DIAPH1: variants seen among roughly 807,000 people sequenced by gnomAD.
DIAPH1 encodes the protein protein diaphanous homolog 1.
In DIAPH1, 46 loss-of-function variants were observed where a neutral mutation model predicts 140.7. The observed-to-expected ratio is 0.33, with a 90% CI of 0.26 to 0.42. The LOEUF (loss-of-function observed/expected upper bound fraction) is 0.42. Among genes scored for constraint, DIAPH1 ranks in the 10% least tolerant of loss-of-function variants. The pLI, the probability that DIAPH1 is intolerant of heterozygous loss-of-function variation, is 1.00. For missense variants in DIAPH1, 1,310 were observed against 1,558.7 expected, an observed-to-expected ratio of 0.84 and a Z score of 2.69; for synonymous variants, 565 against 551.6, an observed-to-expected ratio of 1.02 and a Z score of -0.34.
chr5:141,538,421 C>A (rs965038795), intron 18 of DIAPH1, among the ~76,000 whole-genome samples: 3 of 149,380 alleles, frequency 2.0e-5, no homozygotes, highest in Admixed American at 2.0e-4. Flanking sequence ...GGCACAATCT[C>A]GGCTCACTGC....
At position 141,529,595 on chromosome 5, in the gene DIAPH1, C is replaced by T. The variant is rs2154595019; in HGVS notation, c.2676+8G>A. ...AGCCTGCTCCAGCAGAACCACCTTACTCCTTACCTGGATCATAGACTCAGT... is the reference window on the plus strand; with the variant it reads ...AGCCTGCTCCAGCAGAACCACCTTATTCCTTACCTGGATCATAGACTCAGT... On this transcript the variant is annotated splice_region_variant and intron_variant, in intron 20 of 27. Coordinates refer to ENST00000389054, the MANE Select transcript of DIAPH1 (RefSeq NM_005219.5). 3 of 1,611,636 alleles carry T rather than the reference C, an allele frequency of 1.9e-6. No homozygotes were observed. The highest frequency in any genetic ancestry group is 2.5e-6 in the Non-Finnish European group (3 of 1,177,626).
Position 141,574,097 on chromosome 5 carries a change from CA to C in DIAPH1, c.1752del (p.Ala585ProfsTer183). The C allele has an allele frequency of 1.2e-6, 2 of 1,613,422 alleles. No individual in the cohort carries two copies. The highest frequency in any genetic ancestry group is 1.7e-6 in the Non-Finnish European group (2 of 1,179,790). On this transcript the variant is annotated frameshift_variant, in exon 16 of 28. Coordinates refer to ENST00000389054, the MANE Select transcript of DIAPH1 (RefSeq NM_005219.5). LOFTEE classifies it high-confidence loss of function. Reference protein sequence around the residue: ...PSVPSRAPVPPAPPLPGDSGT... With the variant: ...PSVPSRAPVPXAPPLPGDSGT... ...CCAGAGTCACCAGGTAAAGGAGGGG[CA>C]GGGGGAACAGGAGCACGACTAGGAA...
chr5:141,573,825 G>A lies in DIAPH1; in HGVS notation c.2025C>T (p.Ile675=), dbSNP rs557522528. 1.2e-5 allele frequency: 18 copies of A among 1,490,798 alleles called. No individual in the cohort carries two copies. The South Asian group carries it at 1.8e-4, about 15-fold the overall frequency. The allele number at this position is 1,490,798 out of a possible 1,614,324, so 92.3% of individuals were successfully genotyped here. The change falls in exon 16 of 28, where the codon ATC becomes ATT. Residue 675 remains isoleucine, a synonymous_variant. Coordinates refer to ENST00000389054, the MANE Select transcript of DIAPH1 (RefSeq NM_005219.5). ...SPSSLPGGTA[I]PPPPPLPGSA... ...TCCCAGGCAAAGGAGGAGGTGGGGG[G>A]ATGGCAGTACCTCCAGGCAAAGAAG...
intron 1 of DIAPH1, among the ~76,000 whole-genome samples, chr5:141,593,356 T>C (rs2099898783): frequency 6.6e-6 from 1 of 152,122 alleles, no homozygotes; most frequent in Admixed American, 6.5e-5. Context: ...GGAGGGTCTC[T>C]GGATTGGAGG....
chr5:141,544,017 A>G (rs1238072429), intron 18 of DIAPH1, among the ~76,000 whole-genome samples: 3 of 152,246 alleles, frequency 2.0e-5, no homozygotes, highest in African/African-American at 7.2e-5. Context: ...GACACAAAAA[A>G]AAGTATAAAT....
intron 18 of DIAPH1, among the ~76,000 whole-genome samples, chr5:141,549,180 C>A (rs1179116372): frequency 6.6e-6 from 1 of 151,954 alleles, no homozygotes; most frequent in Non-Finnish European, 1.5e-5. Flanking sequence ...AATAAAGACA[C>A]AGATATATTG....
intron 18 of DIAPH1, among the ~76,000 whole-genome samples, chr5:141,570,961 T>C (rs2154596175): frequency 1.3e-5 from 2 of 152,122 alleles, no homozygotes; most frequent in Middle Eastern, 3.4e-3. Context: ...ATAGAAAAAA[T>C]GGACCAGAAG....
chr5:141,594,724 C>CA (rs2099899033), intron 1 of DIAPH1, among the ~76,000 whole-genome samples: 1 of 151,068 alleles, frequency 6.6e-6, no homozygotes, highest in Non-Finnish European at 1.5e-5. Flanking sequence ...GCCTGGGTGA[C>CA]GGAGCAAGAC....
chr5:141,596,293 A>C (rs990351265), intron 1 of DIAPH1, among the ~76,000 whole-genome samples: 1 of 151,992 alleles, frequency 6.6e-6, no homozygotes, highest in Non-Finnish European at 1.5e-5. Flanking sequence ...AGATCGCACC[A>C]CTGCACTCCA....
At chr5:141,556,028 G>C (rs1159187959) in intron 18 of DIAPH1, among the ~76,000 whole-genome samples, 1 of 152,160 alleles carries the variant, frequency 6.6e-6, no homozygotes, top group Non-Finnish European at 1.5e-5. Flanking sequence ...ACTGCTTGCT[G>C]TGGCTGCTGA....
chr5:141,618,812 T>TGCC lies in DIAPH1; in HGVS notation c.100_102dup (p.Gly34dup). 6.5e-7 allele frequency: 1 copy of TGCC among 1,548,276 alleles called. No homozygotes were observed. Among genetic ancestry groups the TGCC allele is most frequent in the Middle Eastern group, 1.8e-4 (1 of 5,598 alleles). On this transcript the variant is annotated inframe_insertion, in exon 1 of 28. Transcript: ENST00000389054. ...GGGACACTCACAAATTTCTTAGATT[T>TGCC]GCCGCCGTCGCCGCCCGCCGAGGGC...
At position 141,546,512 on chromosome 5, in the gene DIAPH1, C is replaced by G. The variant is rs974611048; in HGVS notation, c.2483-12079G>C. On this transcript the variant is annotated intron_variant, in intron 18 of 27. Coordinates refer to ENST00000389054, the MANE Select transcript of DIAPH1 (RefSeq NM_005219.5). ...CTCTACTAAAAATACAAAAATGAGT[C>G]GGGCATGATGGCAGGTGCCTGTAAT... Among the ~76,000 whole-genome samples the G allele has an allele frequency of 2.0e-5, 3 of 149,168 alleles. No homozygotes were observed. The East Asian group carries it at 5.8e-4, about 29-fold the overall frequency.
intron 1 of DIAPH1, among the ~76,000 whole-genome samples, chr5:141,598,896 C>T (rs1042749447): frequency 6.6e-4 from 101 of 152,248 alleles, no homozygotes; most frequent in African/African-American, 2.2e-3. Context: ...TTTTTAAAAA[C>T]GGTCCAATGG....
intron 18 of DIAPH1, among the ~76,000 whole-genome samples, chr5:141,561,064 G>GCA (rs989012102): frequency 5.3e-5 from 8 of 151,642 alleles, no homozygotes; most frequent in Non-Finnish European, 1.0e-4. Flanking sequence ...TCAACTGCGC[G>GCA]CACCCCGTGG....
At chr5:141,549,240 G>A (rs1481224437) in intron 18 of DIAPH1, among the ~76,000 whole-genome samples, 1 of 152,076 alleles carries the variant, frequency 6.6e-6, no homozygotes, top group Non-Finnish European at 1.5e-5. Flanking sequence ...CAATAATCAA[G>A]AGAAAACTGG....
At chr5:141,588,343 G>A (rs2099897860) in intron 1 of DIAPH1, 93 bp from the exon 2 acceptor site, 1 of 927,676 alleles carries the variant, frequency 1.1e-6, no homozygotes, top group African/African-American at 1.6e-5. Context: ...GGGAAAAGAG[G>A]GAGAGAAGTT....
chr5:141,567,351 A>AT (rs1243439078), intron 18 of DIAPH1, among the ~76,000 whole-genome samples: 36 of 152,174 alleles, frequency 2.4e-4, no homozygotes, highest in Non-Finnish European at 4.6e-4. Context: ...AGTTCTGGAA[A>AT]CCCCAGATAA....
intron 27 of DIAPH1, among the ~76,000 whole-genome samples, chr5:141,519,453 G>C (rs1675100711): frequency 6.6e-6 from 1 of 152,164 alleles, no homozygotes; most frequent in Non-Finnish European, 1.5e-5. Context: ...CTTGGGAAAA[G>C]AACACTGGGC....
intron 1 of DIAPH1, among the ~76,000 whole-genome samples, chr5:141,599,271 T>C (rs1237888123): frequency 6.6e-6 from 1 of 152,226 alleles, no homozygotes; most frequent in Non-Finnish European, 1.5e-5. Context: ...CAGTTAATCA[T>C]GGACGGTAAT....
Sources: gnomAD v4.1 joint callset for allele counts (sites outside exome capture counted in the v4.1 genomes callset) on GRCh38, gnomAD v4.1.1 for gene constraint, MANE v1.5 for transcripts, NCBI Gene and HGNC (gene_info 2026-07-23, HGNC 2026-07-21) for gene names.